TMEM245: variants seen among roughly 807,000 people sequenced by gnomAD.
The protein encoded by TMEM245 is protein CG-2.
TMEM245 carries 69 observed loss-of-function variants against 101.2 expected under a neutral mutation model. The ratio of observed to expected loss-of-function variants is 0.68; its 90% CI spans 0.56 to 0.83. The LOEUF (loss-of-function observed/expected upper bound fraction) is 0.83, where lower values mean the gene tolerates loss of function less well. TMEM245 is among the 40% of genes least tolerant of loss of function. TMEM245 has a pLI of 0.00. For synonymous variants in TMEM245, 537 were observed against 449.8 expected (o/e 1.19, Z -2.45); for missense variants, 1,075 against 1,092.8 (o/e 0.98, Z 0.23).
At chr9:109,060,205 C>T in intron 11 of TMEM245, 149 bp downstream of exon 11, 1 of 589,108 alleles carries the variant, frequency 1.7e-6, no homozygotes, top group South Asian at 2.3e-5. Flanking sequence ...TCAACTCACA[C>T]TGACTTTTAG....
intron 14 of TMEM245, among the ~76,000 whole-genome samples, chr9:109,041,649 T>A (rs1564175256): frequency 6.6e-6 from 1 of 151,522 alleles, no homozygotes; most frequent in South Asian, 2.1e-4. Context: ...GTTCAGTAGA[T>A]CTATTGTACA....
intron 14 of TMEM245, among the ~76,000 whole-genome samples, chr9:109,042,651 A>T (rs534066451): frequency 7.1e-4 from 108 of 152,004 alleles, no homozygotes; most frequent in Non-Finnish European, 1.2e-3. Context: ...TTCTAATAAA[A>T]TTTTTTTATT....
At chr9:109,104,134 A>AT (rs555554702) in intron 3 of TMEM245, among the ~76,000 whole-genome samples, 1 of 152,130 alleles carries the variant, frequency 6.6e-6, no homozygotes, top group Non-Finnish European at 1.5e-5. Flanking sequence ...ATTTGATAGC[A>AT]TAACAGGGTG....
rs751739620 is a variant in TMEM245 at position 109,083,901 on chromosome 9, C to CAAAAAAAAAAAAAAAAAAA, written c.1344+2077_1344+2095dup. 3.5e-3 allele frequency among the ~76,000 whole-genome samples: 121 copies of CAAAAAAAAAAAAAAAAAAA among 34,464 alleles called. 34 individuals are homozygous for CAAAAAAAAAAAAAAAAAAA. Among genetic ancestry groups the CAAAAAAAAAAAAAAAAAAA allele is most frequent in the African/African-American group, 4.5e-3 (40 of 8,958 alleles). The allele number at this position is 34,464 out of a possible 152,430, so 22.6% of individuals were successfully genotyped here. ...CAAAACCCCATCTCTACTAAAAATACAAAAAAAAAAAAAAAAAAAAAAAAA... is the reference window on the plus strand; with the variant it reads ...CAAAACCCCATCTCTACTAAAAATACAAAAAAAAAAAAAAAAAAAAAAAAAAAAAAAAAAAAAAAAAAAA... On this transcript the variant is annotated intron_variant, in intron 7 of 17. Transcript: ENST00000374586.
At chr9:109,079,285 G>C (rs918082895) in intron 8 of TMEM245, among the ~76,000 whole-genome samples, 8 of 152,036 alleles carry the variant, frequency 5.3e-5, no homozygotes, top group African/African-American at 1.9e-4. Context: ...GGACATATTA[G>C]GAAGGTGGAG....
At chr9:109,097,507 T>C (rs887326304) in intron 3 of TMEM245, among the ~76,000 whole-genome samples, 7 of 152,220 alleles carry the variant, frequency 4.6e-5, no homozygotes, top group African/African-American at 1.7e-4. Context: ...AGGTCTATTC[T>C]TACTACTTAG....
At chr9:109,069,197 T>C (rs901340735) in intron 9 of TMEM245, among the ~76,000 whole-genome samples, 1 of 152,170 alleles carries the variant, frequency 6.6e-6, no homozygotes, top group African/African-American at 2.4e-5. Context: ...GCTGCTCAGA[T>C]TGTGTGCCTT....
intron 5 of TMEM245, among the ~76,000 whole-genome samples, chr9:109,089,250 C>T (rs1402031473): frequency 6.6e-6 from 1 of 150,458 alleles, no homozygotes. Context: ...AAAAAAAATA[C>T]AGATACAAAC....
intron 12 of TMEM245, among the ~76,000 whole-genome samples, chr9:109,053,462 G>A (rs1828745403): frequency 6.6e-6 from 1 of 152,160 alleles, no homozygotes; most frequent in South Asian, 2.1e-4. Context: ...CTCAGAAGTA[G>A]AAAACATGAG....
chr9:109,042,199 AACTG>A (rs1364946306), intron 14 of TMEM245, among the ~76,000 whole-genome samples: 1 of 152,146 alleles, frequency 6.6e-6, no homozygotes, highest in African/African-American at 2.4e-5. Context: ...CACAGCATAT[AACTG>A]TACTTGGCAT....
At chr9:109,083,510 G>T (rs1032329332) in intron 7 of TMEM245, among the ~76,000 whole-genome samples, 2 of 152,076 alleles carry the variant, frequency 1.3e-5, no homozygotes, top group Non-Finnish European at 2.9e-5. Context: ...ATTTTAAAAT[G>T]ACATTCCGAA....
chr9:109,069,946 G>A (rs951102258), intron 9 of TMEM245, among the ~76,000 whole-genome samples: 1 of 152,148 alleles, frequency 6.6e-6, no homozygotes, highest in African/African-American at 2.4e-5. Context: ...TTCACTCTTA[G>A]AAAATTTCTG....
intron 3 of TMEM245, among the ~76,000 whole-genome samples, chr9:109,096,538 A>T (rs892181185): frequency 1.3e-5 from 2 of 152,082 alleles, no homozygotes; most frequent in African/African-American, 4.8e-5. Context: ...CCACAAACAA[A>T]CTGACCTACA....
At chr9:109,045,531 C>T (rs1040138371) in intron 14 of TMEM245, among the ~76,000 whole-genome samples, 1 of 152,070 alleles carries the variant, frequency 6.6e-6, no homozygotes, top group Non-Finnish European at 1.5e-5. Flanking sequence ...GTTTTGTGTC[C>T]TTGACAATGC....
intron 16 of TMEM245, 88 bp downstream of exon 16, chr9:109,036,118 C>T: frequency 2.6e-6 from 3 of 1,138,630 alleles, no homozygotes; most frequent in South Asian, 2.0e-5. Context: ...CTTTTGTATA[C>T]CCCCAGGAGA....
intron 14 of TMEM245, among the ~76,000 whole-genome samples, chr9:109,044,483 G>A (rs1828414182): frequency 6.6e-6 from 1 of 152,102 alleles, no homozygotes; most frequent in South Asian, 2.1e-4. Context: ...TCCTTACACT[G>A]GTTCCACCCT....
rs1827483260 is a variant in TMEM245 at position 109,017,446 on chromosome 9, C to T, written c.*3014G>A. On this transcript the variant is annotated 3_prime_UTR_variant, in exon 18 of 18. Transcript: ENST00000374586. The stretch of plus-strand genomic sequence containing the variant: ...CAGGAACAGATATTGATAGGAACTT[C>T]AGAACTCAAACAGCACTCACATAAC... 6.6e-6 allele frequency: 1 copy of T among 152,182 alleles called. No individual in the cohort carries two copies. Among genetic ancestry groups the T allele is most frequent in the Admixed American group, 6.5e-5 (1 of 15,270 alleles). The allele number at this position is 152,182 out of a possible 1,614,324, so 9.4% of individuals were successfully genotyped here. A position where few individuals can be genotyped will look rare whatever the true frequency, so the allele number is the denominator to read the frequency against.
chr9:109,034,065 T>C (rs143303484), intron 16 of TMEM245, among the ~76,000 whole-genome samples: 1 of 152,192 alleles, frequency 6.6e-6, no homozygotes, highest in Non-Finnish European at 1.5e-5. Flanking sequence ...CACAGGAGAA[T>C]CACAAATGCC....
At chr9:109,020,576 A>G in intron 17 of TMEM245, 71 bp from the exon 18 acceptor site, 2 of 1,365,334 alleles carry the variant, frequency 1.5e-6, no homozygotes, top group Non-Finnish European at 2.1e-6. Context: ...AATCTTTTGG[A>G]GCCCTAATGA....
Sources: allele counts gnomAD v4.1 joint callset (sites outside exome capture counted in the v4.1 genomes callset), GRCh38; gene constraint gnomAD v4.1.1; transcripts MANE v1.5; gene names NCBI Gene and HGNC (gene_info 2026-07-23, HGNC 2026-07-21).